Variants in NBAS observed in about 807,000 individuals in gnomAD.
NBAS encodes NAG/BC035112 fusion.
Under a neutral mutation model 302.5 loss-of-function variants are expected in NBAS, and 219 were observed. That is an observed-to-expected ratio of 0.72 (90% CI 0.65 to 0.81). The LOEUF is 0.81. Ranked by LOEUF, NBAS falls within the 30% of genes least tolerant of loss-of-function variation. The pLI is 0.00. For missense variants in NBAS, 2,932 were observed against 2,841.6 expected, an observed-to-expected ratio of 1.03 and a Z score of -0.72; for synonymous variants, 1,118 against 1,021.6, an observed-to-expected ratio of 1.09 and a Z score of -1.80.
chr2:15,051,535 T>C, the NBAS span, among the ~76,000 whole-genome samples: 1 of 152,178 alleles, frequency 6.6e-6, no homozygotes, highest in Non-Finnish European at 1.5e-5. Flanking sequence ...TCCACTTTTA[T>C]ATGGACATAA....
At chr2:14,894,212 G>C in the NBAS span, among the ~76,000 whole-genome samples, 1 of 152,234 alleles carries the variant, frequency 6.6e-6, no homozygotes, top group African/African-American at 2.4e-5. Context: ...CCATCAAGAT[G>C]AGAGAGTAAA....
the NBAS span, among the ~76,000 whole-genome samples, chr2:15,054,575 C>T: frequency 6.6e-6 from 1 of 152,168 alleles, no homozygotes; most frequent in Non-Finnish European, 1.5e-5. Flanking sequence ...AACTCCATAA[C>T]GTTATGGTTT....
chr2:14,944,800 C>G, the NBAS span, among the ~76,000 whole-genome samples: 1 of 151,994 alleles, frequency 6.6e-6, no homozygotes, highest in Non-Finnish European at 1.5e-5. Flanking sequence ...ATGTCCCTCC[C>G]CCCATTCTGC....
chr2:15,265,636 A>G (rs2148027397), intron 44 of NBAS, among the ~76,000 whole-genome samples: 1 of 152,314 alleles, frequency 6.6e-6, no homozygotes, highest in Non-Finnish European at 1.5e-5. Context: ...TTAATTTTAA[A>G]AAGTAGCAAA....
chr2:15,007,683 G>C, the NBAS span, among the ~76,000 whole-genome samples: 1 of 152,174 alleles, frequency 6.6e-6, no homozygotes, highest in African/African-American at 2.4e-5. Context: ...TTAGTGGAGA[G>C]TGCATTGACC....
chr2:15,105,414 A>T, the NBAS span, among the ~76,000 whole-genome samples: 36 of 152,184 alleles, frequency 2.4e-4, no homozygotes, highest in Admixed American at 3.9e-4. Context: ...TAATTTTTTA[A>T]AAAAAGTTGA....
chr2:15,181,879 G>T (rs1359801246), intron 50 of NBAS, among the ~76,000 whole-genome samples: 1 of 152,252 alleles, frequency 6.6e-6, no homozygotes, highest in Non-Finnish European at 1.5e-5. Flanking sequence ...GGGGCACAAG[G>T]TATGCAGGGA....
intron 34 of NBAS, 65 bp from the exon 35 acceptor site, chr2:15,352,146 T>C (rs1190087855): frequency 1.8e-6 from 2 of 1,129,952 alleles, no homozygotes; most frequent in South Asian, 2.6e-5. Flanking sequence ...CATCACAATA[T>C]AGGCTTGAAA....
intron 21 of NBAS, among the ~76,000 whole-genome samples, chr2:15,429,510 T>C (rs181378748): frequency 6.6e-6 from 1 of 152,202 alleles, no homozygotes; most frequent in Non-Finnish European, 1.5e-5. Context: ...GGTCTTCATG[T>C]AAAAAGTAAT....
chr2:14,786,999 A>G, the NBAS span, among the ~76,000 whole-genome samples: 4 of 152,016 alleles, frequency 2.6e-5, no homozygotes, highest in South Asian at 2.1e-4. Flanking sequence ...TATGAATCTG[A>G]GTGCTCCCGT....
intron 18 of NBAS, 126 bp downstream of exon 18, chr2:15,467,537 GA>G: frequency 1.6e-6 from 2 of 1,273,794 alleles, no homozygotes. Context: ...ACAAGGGTAA[GA>G]TAATAGTAAG....
chr2:15,360,931 CATAGT>C (rs950975732), intron 32 of NBAS, among the ~76,000 whole-genome samples: 1 of 152,038 alleles, frequency 6.6e-6, no homozygotes, highest in Non-Finnish European at 1.5e-5. Flanking sequence ...TTGAAAATAA[CATAGT>C]ATAGTAAACA....
chr2:15,335,568 C>T (rs1414144660), intron 35 of NBAS, among the ~76,000 whole-genome samples: 2 of 152,134 alleles, frequency 1.3e-5, no homozygotes, highest in African/African-American at 4.8e-5. Context: ...TAACGTGCAC[C>T]TCGCCAGGAC....
At chr2:15,549,057 C>A (rs1272392727) in intron 6 of NBAS, among the ~76,000 whole-genome samples, 1 of 152,136 alleles carries the variant, frequency 6.6e-6, no homozygotes, top group African/African-American at 2.4e-5. Flanking sequence ...GTAATTATAA[C>A]AATAGCTTAA....
At chr2:15,288,341 T>C (rs1350689283) in intron 41 of NBAS, among the ~76,000 whole-genome samples, 2 of 152,070 alleles carry the variant, frequency 1.3e-5, no homozygotes, top group East Asian at 1.9e-4. Flanking sequence ...GAGAAGACCA[T>C]GAAGCTCCAC....
intron 10 of NBAS, among the ~76,000 whole-genome samples, chr2:15,507,562 A>G (rs1156363870): frequency 6.6e-6 from 1 of 152,194 alleles, no homozygotes. Flanking sequence ...ATATTACTTC[A>G]TTTACATCCT....
At chr2:14,940,871 A>T in the NBAS span, among the ~76,000 whole-genome samples, 1 of 152,136 alleles carries the variant, frequency 6.6e-6, no homozygotes, top group Non-Finnish European at 1.5e-5. Context: ...CATTGCAATA[A>T]ATACCTGCCT....
chr2:14,872,069 A>G, the NBAS span, among the ~76,000 whole-genome samples: 28 of 152,238 alleles, frequency 1.8e-4, no homozygotes, highest in African/African-American at 6.8e-4. Context: ...CTAGGATGGA[A>G]AAACACATGC....
At chr2:14,875,983 C>T in the NBAS span, among the ~76,000 whole-genome samples, 1 of 152,216 alleles carries the variant, frequency 6.6e-6, no homozygotes, top group African/African-American at 2.4e-5. Context: ...TTGAGCCCTC[C>T]AGGATCCATC....
Sources: allele counts gnomAD v4.1 joint callset (sites outside exome capture counted in the v4.1 genomes callset), GRCh38; gene constraint gnomAD v4.1.1; transcripts MANE v1.5; gene names NCBI Gene and HGNC (gene_info 2026-07-23, HGNC 2026-07-21).